Variants in GRID2 observed in about 807,000 individuals in gnomAD.
GRID2 encodes glutamate receptor ionotropic, delta-2.
In GRID2, 33 loss-of-function variants were observed where a neutral mutation model predicts 114.8. That is an observed-to-expected ratio of 0.29 (90% CI 0.22 to 0.38). GRID2 has a LOEUF of 0.38. Among genes scored for constraint, GRID2 ranks in the 10% least tolerant of loss-of-function variants. The pLI, the probability that GRID2 is intolerant of heterozygous loss-of-function variation, is 1.00. For synonymous variants in GRID2, 505 were observed against 449.9 expected (o/e 1.12, Z -1.55); for missense variants, 1,184 against 1,257.7 (o/e 0.94, Z 0.89).
At chr4:93,222,268 A>G (rs1021467699) in intron 6 of GRID2, among the ~76,000 whole-genome samples, 2 of 152,068 alleles carry the variant, frequency 1.3e-5, no homozygotes, top group Non-Finnish European at 1.5e-5. Flanking sequence ...TCAAAGACGT[A>G]TGCACTGTGT....
intron 14 of GRID2, among the ~76,000 whole-genome samples, chr4:93,752,046 G>T (rs962275456): frequency 4.0e-5 from 6 of 150,706 alleles, no homozygotes; most frequent in East Asian, 2.0e-4. Context: ...CTTATACATT[G>T]TTCATGTCAA....
intron 8 of GRID2, among the ~76,000 whole-genome samples, chr4:93,392,743 C>T (rs1466947207): frequency 1.3e-5 from 2 of 151,980 alleles, no homozygotes; most frequent in African/African-American, 2.4e-5. Context: ...GTAGAAATAT[C>T]TTCCCTTCCT....
intron 2 of GRID2, among the ~76,000 whole-genome samples, chr4:92,599,689 T>A (rs1729109730): frequency 6.6e-6 from 1 of 152,140 alleles, no homozygotes; most frequent in Non-Finnish European, 1.5e-5. Context: ...TTAAGCTATA[T>A]TTCAAACATA....
intron 8 of GRID2, among the ~76,000 whole-genome samples, chr4:93,366,125 A>T (rs1236109491): frequency 6.6e-6 from 1 of 152,164 alleles, no homozygotes; most frequent in African/African-American, 2.4e-5. Flanking sequence ...GGGCACCTTA[A>T]AAAAAGAACA....
intron 8 of GRID2, among the ~76,000 whole-genome samples, chr4:93,345,416 C>T (rs1466659313): frequency 6.6e-6 from 1 of 152,008 alleles, no homozygotes; most frequent in Non-Finnish European, 1.5e-5. Flanking sequence ...AGCGTTTTTT[C>T]ATACCCCTGT....
At chr4:93,622,212 A>G (rs1742275664) in intron 13 of GRID2, among the ~76,000 whole-genome samples, 1 of 152,182 alleles carries the variant, frequency 6.6e-6, no homozygotes, top group African/African-American at 2.4e-5. Flanking sequence ...GAAGGAAACT[A>G]TGGGATAACT....
At chr4:93,407,114 C>T (rs1766531350) in intron 9 of GRID2, among the ~76,000 whole-genome samples, 1 of 152,108 alleles carries the variant, frequency 6.6e-6, no homozygotes, top group African/African-American at 2.4e-5. Flanking sequence ...AAAACTAAGT[C>T]CCTAACTGGA....
chr4:93,239,425 A>C (rs1280543779), intron 8 of GRID2, among the ~76,000 whole-genome samples: 1 of 150,788 alleles, frequency 6.6e-6, no homozygotes, highest in African/African-American at 2.4e-5. Flanking sequence ...GGTAACTGTA[A>C]ATTTCTAACT....
At chr4:93,400,318 T>C (rs1765752027) in intron 9 of GRID2, among the ~76,000 whole-genome samples, 1 of 152,090 alleles carries the variant, frequency 6.6e-6, no homozygotes, top group Non-Finnish European at 1.5e-5. Flanking sequence ...GTCTTAGAAA[T>C]GGAGGAAAAG....
chr4:93,271,863 G>T lies in GRID2; in HGVS notation c.1245+33373G>T, dbSNP rs190350363. ...ATAAACTACTAAGAAATACACAGATGAATAATTACATTTTATGTCTTTGTA... is the reference window on the plus strand; with the variant it reads ...ATAAACTACTAAGAAATACACAGATTAATAATTACATTTTATGTCTTTGTA... On this transcript the variant is annotated intron_variant, in intron 8 of 15. Coordinates refer to ENST00000282020, the MANE Select transcript of GRID2 (RefSeq NM_001510.4). 7.2e-4 allele frequency among the ~76,000 whole-genome samples: 109 copies of T among 152,180 alleles called. 1 individual carries two copies. The highest frequency in any genetic ancestry group is 2.6e-3 in the African/African-American group (108 of 41,534).
chr4:93,454,763 C>A (rs560681867), intron 10 of GRID2, among the ~76,000 whole-genome samples: 164 of 152,024 alleles, frequency 1.1e-3, no homozygotes, highest in African/African-American at 3.9e-3. Flanking sequence ...AAAGAAAATA[C>A]AAGAAAATGT....
intron 12 of GRID2, among the ~76,000 whole-genome samples, chr4:93,493,821 A>T (rs1727264939): frequency 6.6e-6 from 1 of 151,812 alleles, no homozygotes; most frequent in Non-Finnish European, 1.5e-5. Context: ...TACTGCCCAA[A>T]GTAACTTTGC....
chr4:93,184,079 G>C (rs556154095), intron 4 of GRID2, among the ~76,000 whole-genome samples: 1 of 152,140 alleles, frequency 6.6e-6, no homozygotes, highest in South Asian at 2.1e-4. Context: ...GTTCAACACA[G>C]ATCTTCATTG....
chr4:92,405,616 T>A (rs1157650153), intron 1 of GRID2, among the ~76,000 whole-genome samples: 1 of 151,978 alleles, frequency 6.6e-6, no homozygotes, highest in Non-Finnish European at 1.5e-5. Flanking sequence ...TATATGTATA[T>A]GGTGTTTCCA....
chr4:92,546,187 A>G (rs1264561437), intron 1 of GRID2, among the ~76,000 whole-genome samples: 2 of 152,188 alleles, frequency 1.3e-5, no homozygotes, highest in Admixed American at 1.3e-4. Context: ...AACTAATTAC[A>G]GAAGTCTCTT....
chr4:92,735,888 ATAAATTTAAAAATTAGAAAGAAATATTT>A (rs1374366391), intron 2 of GRID2, among the ~76,000 whole-genome samples: 2 of 152,072 alleles, frequency 1.3e-5, no homozygotes, highest in Non-Finnish European at 2.9e-5. Flanking sequence ...AACAGTATTT[ATAAATTTAAAAATTAGAAAGAAATATTT>A]CTTAAAGAAA....
chr4:93,264,250 A>G (rs1750556425), intron 8 of GRID2, among the ~76,000 whole-genome samples: 1 of 152,140 alleles, frequency 6.6e-6, no homozygotes, highest in Non-Finnish European at 1.5e-5. Context: ...ATTCTTCATT[A>G]ATGATTGCAC....
intron 1 of GRID2, among the ~76,000 whole-genome samples, chr4:92,571,663 C>T (rs534787705): frequency 8.6e-5 from 13 of 151,972 alleles, no homozygotes; most frequent in African/African-American, 3.1e-4. Flanking sequence ...TGTAAAAGAA[C>T]AGAAATTATA....
chr4:93,047,882 AC>A (rs111345723), intron 2 of GRID2, among the ~76,000 whole-genome samples: 3,194 of 149,254 alleles, frequency 0.021, 46 homozygotes, highest in African/African-American at 0.051. Context: ...AAACAAACAA[AC>A]AAAAAAAACA....
Sources: allele counts gnomAD v4.1 joint callset (sites outside exome capture counted in the v4.1 genomes callset), GRCh38; gene constraint gnomAD v4.1.1; transcripts MANE v1.5; gene names NCBI Gene and HGNC (gene_info 2026-07-23, HGNC 2026-07-21).